The following CCDC92B variants were observed in gnomAD, a reference collection of about 807,000 sequenced individuals.
CCDC92B encodes coiled-coil domain containing 92B.
Under a neutral mutation model 5.6 loss-of-function variants are expected in CCDC92B, and 2 were observed. The observed-to-expected ratio is 0.36, with a 90% CI of 0.15 to 1.12. The LOEUF is 1.12. Among genes scored for constraint, CCDC92B ranks in the 50% most tolerant of loss-of-function variants. The pLI, the probability that CCDC92B is intolerant of heterozygous loss-of-function variation, is 0.40. For synonymous variants in CCDC92B, 115 were observed against 122.3 expected, an observed-to-expected ratio of 0.94 and a Z score of 0.39; for missense variants, 271 against 262.2, an observed-to-expected ratio of 1.03 and a Z score of -0.23.
intron 2 of CCDC92B, among the ~76,000 whole-genome samples, chr17:2,734,735 G>T (rs902526240): frequency 1.3e-5 from 2 of 151,648 alleles, no homozygotes; most frequent in Non-Finnish European, 2.9e-5. Context: ...TGATCCGCCC[G>T]CCTCGGCCTC....
In CCDC92B at chr17:2,732,937, T is replaced by C. The variant is rs1419629025; in HGVS notation, c.130+2079A>G. 8.0e-5 allele frequency among the ~76,000 whole-genome samples: 12 copies of C among 150,394 alleles called. No homozygotes were observed. The South Asian group carries it at 8.5e-4, about 11-fold the overall frequency. ...CTGAGGCAGGAGAATGGTGTGAACC[T>C]GGGAGGCGGAGCTTGCAGTGAGCCG... On this transcript the variant is annotated intron_variant, in intron 2 of 3. Transcript: ENST00000614400.
At chr17:2,726,669 A>G (rs1031565708) in intron 3 of CCDC92B, among the ~76,000 whole-genome samples, 2 of 151,748 alleles carry the variant, frequency 1.3e-5, no homozygotes, top group Non-Finnish European at 1.5e-5. Context: ...GCTGGAGTGC[A>G]GTGGCATGAT....
chr17:2,724,256 G>C lies in CCDC92B; in HGVS notation c.*155C>G, dbSNP rs1368882219. On this transcript the variant is annotated 3_prime_UTR_variant, in exon 4 of 4. Transcript: ENST00000614400. This position sits in a 1 kb window ranked among gnomAD's most constrained non-coding sequence, Gnocchi z 5.0. Reference sequence around the variant, plus strand: ...AAACGTCGGGAAGTACAAAAGGCTGGCGGTTCGGGGATTTGGGGGGAGCCG... The same window carrying C: ...AAACGTCGGGAAGTACAAAAGGCTGCCGGTTCGGGGATTTGGGGGGAGCCG... 1 of 985,390 alleles carries C rather than the reference G, an allele frequency of 1.0e-6. No individual in the cohort carries two copies. The highest frequency in any genetic ancestry group is 1.2e-6 in the Non-Finnish European group (1 of 829,896). The allele number at this position is 985,390 out of a possible 1,614,324, so 61.0% of individuals were successfully genotyped here.
chr17:2,748,637 A>G (rs1488507379), intron 1 of CCDC92B: 34 of 977,756 alleles, frequency 3.5e-5, no homozygotes, highest in Admixed American at 6.2e-5. Flanking sequence ...CAGGCCCACA[A>G]TGAATGCTGC....
chr17:2,739,156 A>G (rs530318786), intron 1 of CCDC92B, among the ~76,000 whole-genome samples: 87 of 151,564 alleles, frequency 5.7e-4, no homozygotes, highest in Non-Finnish European at 1.1e-3. Context: ...TCACGAGGTC[A>G]GGAGATCGAG....
chr17:2,730,508 A>G lies in CCDC92B; in HGVS notation c.131-15T>C, dbSNP rs2070779537. On this transcript the variant is annotated splice_polypyrimidine_tract_variant and intron_variant, in intron 2 of 3. Transcript: ENST00000614400. Reference sequence around the variant, plus strand: ...ATGGGTCAGTTCTGGGGGGAAAGAAAAGAAAAGGCAGTTTGTGTGTGTGTG... The same window carrying G: ...ATGGGTCAGTTCTGGGGGGAAAGAAGAGAAAAGGCAGTTTGTGTGTGTGTG... 4.1e-6 allele frequency: 4 copies of G among 966,542 alleles called. No homozygotes were observed. The South Asian group carries it at 1.5e-4, about 36-fold the overall frequency. 59.9% of individuals were successfully genotyped at this position (966,542 alleles called of 1,614,324 possible).
At chr17:2,740,459 C>T (rs966290937) in intron 1 of CCDC92B, among the ~76,000 whole-genome samples, 1 of 151,790 alleles carries the variant, frequency 6.6e-6, no homozygotes, top group Non-Finnish European at 1.5e-5. Flanking sequence ...GTCAAGAGAT[C>T]GAGACCAGCC....
chr17:2,736,883 A>AAAAAAAATAAAT (rs141255403), intron 1 of CCDC92B, among the ~76,000 whole-genome samples: 1 of 145,896 alleles, frequency 6.9e-6, no homozygotes, highest in African/African-American at 2.6e-5. Flanking sequence ...TCTGTCTCAA[A>AAAAAAAATAAAT]AAATAAATAA....
intron 2 of CCDC92B, among the ~76,000 whole-genome samples, chr17:2,731,698 A>G (rs144352094): frequency 2.6e-5 from 4 of 152,262 alleles, no homozygotes; most frequent in African/African-American, 7.2e-5. Context: ...TGCTGTTACC[A>G]GAGTCTGAAC....
intron 1 of CCDC92B, among the ~76,000 whole-genome samples, chr17:2,739,100 G>A (rs1193593939): frequency 6.6e-6 from 1 of 151,060 alleles, no homozygotes; most frequent in African/African-American, 2.4e-5. Flanking sequence ...GGGCGCAATG[G>A]CTCACGCCTG....
intron 1 of CCDC92B, among the ~76,000 whole-genome samples, chr17:2,742,191 C>T (rs989418505): frequency 2.6e-5 from 4 of 152,036 alleles, no homozygotes; most frequent in Non-Finnish European, 2.9e-5. Context: ...TCTACCTCAG[C>T]CTCCCAAGGA....
chr17:2,747,944 T>C (rs530898992), intron 1 of CCDC92B: 2 of 342,124 alleles, frequency 5.8e-6, no homozygotes, highest in African/African-American at 4.3e-5. Flanking sequence ...CAACCCCACG[T>C]TGAAGATTCT....
chr17:2,745,359 G>A (rs1362168406), intron 1 of CCDC92B, among the ~76,000 whole-genome samples: 1 of 152,100 alleles, frequency 6.6e-6, no homozygotes, highest in Non-Finnish European at 1.5e-5. Context: ...AAATGCAAAT[G>A]TTTCTGAAGA....
intron 1 of CCDC92B, among the ~76,000 whole-genome samples, chr17:2,745,524 C>T (rs183910475): frequency 2.6e-5 from 4 of 152,084 alleles, no homozygotes; most frequent in Admixed American, 6.6e-5. Context: ...GGGTCACAAA[C>T]GATCTTGGCA....
chr17:2,729,532 G>C (rs894383790), intron 3 of CCDC92B, among the ~76,000 whole-genome samples: 9 of 148,832 alleles, frequency 6.0e-5, no homozygotes, highest in Non-Finnish European at 1.3e-4. Flanking sequence ...GTCCCTCCAA[G>C]TCAGGTAACG....
In CCDC92B at chr17:2,724,802, A is replaced by G; in HGVS notation, c.377T>C (p.Leu126Pro). The change falls in exon 4 of 4, where the codon CTG (leucine) becomes CCG (proline). Residue 126 changes from leucine to proline, a missense_variant. Physicochemically the swap from Leu to Pro is moderately conservative, Grantham distance 98 (BLOSUM62 -3). Transcript: ENST00000614400. The surrounding 1 kb of genome is among the most constrained non-coding windows in gnomAD (Gnocchi z 5.0). ...LRRRSHRATV[L>P]GTELQKHTEA... ...GGTGTGCTTCTGCAGCTCGGTGCCC[A>G]GCACGGTGGCGCGGTGGCTGCGGCG... The G allele has an allele frequency of 1.0e-6, 1 of 984,548 alleles. No homozygotes were observed. Among genetic ancestry groups the G allele is most frequent in the Non-Finnish European group, 1.2e-6 (1 of 829,716 alleles). 61.0% of individuals were successfully genotyped at this position (984,548 alleles called of 1,614,324 possible).
intron 2 of CCDC92B, among the ~76,000 whole-genome samples, chr17:2,734,050 G>A (rs1207935979): frequency 3.3e-5 from 5 of 152,028 alleles, no homozygotes; most frequent in East Asian, 3.9e-4. Context: ...GTGAGCCACC[G>A]TGCCTGGCCT....
At chr17:2,728,680 G>A (rs1392586703) in intron 3 of CCDC92B, among the ~76,000 whole-genome samples, 1 of 152,072 alleles carries the variant, frequency 6.6e-6, no homozygotes, top group African/African-American at 2.4e-5. Context: ...GATCTCAAAA[G>A]CCCTTTCAGA....
intron 3 of CCDC92B, among the ~76,000 whole-genome samples, chr17:2,729,391 G>C (rs903349940): frequency 5.3e-5 from 8 of 151,698 alleles, no homozygotes; most frequent in African/African-American, 1.9e-4. Context: ...CTACTTGGGA[G>C]GCTGCAGCAG....
Sources: gnomAD v4.1 joint callset for allele counts (sites outside exome capture counted in the v4.1 genomes callset) on GRCh38, gnomAD v4.1.1 for gene constraint, Gnocchi (gnomAD v3.1) non-coding constraint, MANE v1.5 for transcripts, NCBI Gene and HGNC (gene_info 2026-07-23, HGNC 2026-07-21) for gene names.